The following FBXO21 variants were observed in gnomAD, a reference collection of about 807,000 sequenced individuals.
FBXO21 encodes the protein F-box only protein 21.
Under a neutral mutation model 76.6 loss-of-function variants are expected in FBXO21, and 32 were observed. The ratio of observed to expected loss-of-function variants is 0.42; its 90% CI spans 0.32 to 0.56. The LOEUF is 0.56. Ranked by LOEUF, FBXO21 falls within the 20% of genes least tolerant of loss-of-function variation. The pLI is 0.16. For missense variants in FBXO21, 586 were observed against 797.3 expected (o/e 0.73, Z 3.19); for synonymous variants, 328 against 311.5 (o/e 1.05, Z -0.56).
intron 9 of FBXO21, among the ~76,000 whole-genome samples, chr12:117,162,023 G>A (rs1191470393): frequency 6.6e-6 from 1 of 152,246 alleles, no homozygotes; most frequent in African/African-American, 2.4e-5. Context: ...CATGGGAACG[G>A]GTCCTGATGT....
intron 9 of FBXO21, among the ~76,000 whole-genome samples, chr12:117,164,974 G>A (rs372599005): frequency 7.2e-5 from 11 of 152,196 alleles, no homozygotes; most frequent in African/African-American, 2.7e-4. Flanking sequence ...CTGCCCAAAG[G>A]GGGCCATTAA....
Position 117,174,695 on chromosome 12 carries a change from AG to A in FBXO21, c.694del (p.Leu232PhefsTer4). The A allele has an allele frequency of 6.2e-7, 1 of 1,614,194 alleles. No homozygotes were observed. On this transcript the variant is annotated frameshift_variant, in exon 5 of 12. Transcript: ENST00000622495. LOFTEE classifies it high-confidence loss of function. ...DSIVELVCKT[L>X]RGINSRHPSL... Reference sequence around the variant, plus strand: ...GGGGTGGCGACTGTTTATGCCCCGAAGGGTTTTGCAAACAAGCTCCACGATG... The same window carrying A: ...GGGGTGGCGACTGTTTATGCCCCGAAGGTTTTGCAAACAAGCTCCACGATG...
In FBXO21 at chr12:117,190,432, C is replaced by G; in HGVS notation, c.25G>C (p.Ala9Pro). Residue 9 changes from alanine to proline, a missense_variant, in exon 1 of 12, where the codon GCG becomes CCG. Ala to Pro is a conservative substitution (Grantham distance 27). Coordinates refer to ENST00000622495, the MANE Select transcript of FBXO21 (RefSeq NM_015002.3). MAAAAVDS[A>P]MEVVPALAEE... ...GCCAGCGCCGGCACCACCTCCATCGCGCTGTCGACTGCTGCCGCCGCCATC... is the reference window on the plus strand; with the variant it reads ...GCCAGCGCCGGCACCACCTCCATCGGGCTGTCGACTGCTGCCGCCGCCATC... The G allele has an allele frequency of 1.4e-6, 2 of 1,429,506 alleles. No homozygotes were observed. Among genetic ancestry groups the G allele is most frequent in the Non-Finnish European group, 1.9e-6 (2 of 1,074,706 alleles). The allele number at this position is 1,429,506 out of a possible 1,614,324, so 88.6% of individuals were successfully genotyped here. A position where few individuals can be genotyped will look rare whatever the true frequency, so the allele number is the denominator to read the frequency against.
rs1955751369 is a variant in FBXO21 at position 117,144,910 on chromosome 12, A to G, written c.*1177T>C. The G allele has an allele frequency of 6.6e-6, 1 of 152,176 alleles. No individual in the cohort carries two copies. 9.4% of individuals were successfully genotyped at this position (152,176 alleles called of 1,614,324 possible). A position where few individuals can be genotyped will look rare whatever the true frequency, so the allele number is the denominator to read the frequency against. On this transcript the variant is annotated 3_prime_UTR_variant, in exon 12 of 12. Transcript: ENST00000622495. The stretch of plus-strand genomic sequence containing the variant: ...CCGTCAGGACCCTGGCGGCTTGGAA[A>G]AGCAGATTCCAACACGCACATCTCC...
rs1302148407 is a variant in FBXO21 at position 117,169,253 on chromosome 12, A to G, written c.1014-2176T>C. Among the ~76,000 whole-genome samples the G allele has an allele frequency of 3.9e-5, 6 of 152,334 alleles. No homozygotes were observed. The East Asian group carries it at 1.2e-3, about 29-fold the overall frequency. ...AACCAAAAACTGCGTGCTCTCACTT[A>G]TAAGTGGGAACTATGTGATGAGAAC... On this transcript the variant is annotated intron_variant, in intron 7 of 11. Coordinates refer to ENST00000622495, the MANE Select transcript of FBXO21 (RefSeq NM_015002.3).
At chr12:117,185,975 T>A (rs761944210) in intron 3 of FBXO21, among the ~76,000 whole-genome samples, 1 of 152,146 alleles carries the variant, frequency 6.6e-6, no homozygotes, top group African/African-American at 2.4e-5. Context: ...CGGGTTCAAA[T>A]GATTCTTCTG....
chr12:117,157,898 T>A lies in FBXO21; in HGVS notation c.1492A>T (p.Ile498Phe). ...CTCTTATGCTTCATAATGAGCCCGA[T>A]GGAGTAGCAGACATCTCTGTGCTTC... ...DEKHRDVCYS[I>F]GLIMKHKRYG... The change falls in exon 10 of 12, where the codon ATC becomes TTC. Residue 498 changes from isoleucine (I) to phenylalanine (F), a missense_variant. Ile to Phe is a conservative substitution (Grantham distance 21). Around this residue, in one of 6 missense-constraint regions of FBXO21, gnomAD observed 164 missense variants for 236.7 expected, o/e 0.69. Coordinates refer to ENST00000622495, the MANE Select transcript of FBXO21 (RefSeq NM_015002.3). The A allele has an allele frequency of 1.2e-6, 2 of 1,611,086 alleles. No individual in the cohort carries two copies. The highest frequency in any genetic ancestry group is 1.7e-6 in the Non-Finnish European group (2 of 1,177,704).
At chr12:117,158,110 C>A (rs1955937898) in intron 9 of FBXO21, 47 bp from the exon 10 acceptor site, 2 of 1,609,410 alleles carry the variant, frequency 1.2e-6, no homozygotes, top group Non-Finnish European at 1.7e-6. Context: ...TTCAGCTAGG[C>A]CTTTTCTTTT....
intron 8 of FBXO21, among the ~76,000 whole-genome samples, chr12:117,166,373 C>T (rs1331039166): frequency 1.3e-5 from 2 of 152,132 alleles, no homozygotes; most frequent in African/African-American, 4.8e-5. Flanking sequence ...TGCAGGTTCA[C>T]TGGCTGCAAC....
chr12:117,163,172 C>A (rs1009029355), intron 9 of FBXO21, among the ~76,000 whole-genome samples: 2 of 152,208 alleles, frequency 1.3e-5, no homozygotes, highest in African/African-American at 4.8e-5. Flanking sequence ...AGATTTCCCC[C>A]TAAAAGGGGA....
At chr12:117,157,252 T>C (rs965922806) in intron 10 of FBXO21, among the ~76,000 whole-genome samples, 58 of 151,784 alleles carry the variant, frequency 3.8e-4, no homozygotes, top group Non-Finnish European at 7.4e-5. Context: ...AAAAGGAAAT[T>C]TGGAACTTGG....
At chr12:117,149,474 C>T (rs570096196) in intron 11 of FBXO21, among the ~76,000 whole-genome samples, 78 of 152,286 alleles carry the variant, frequency 5.1e-4, no homozygotes, top group Non-Finnish European at 1.0e-3. Flanking sequence ...AGAATAACTG[C>T]TTTGTTGCCA....
At chr12:117,170,292 T>C (rs1021562057) in intron 7 of FBXO21, among the ~76,000 whole-genome samples, 11 of 152,126 alleles carry the variant, frequency 7.2e-5, no homozygotes, top group African/African-American at 2.2e-4. Context: ...TAGTGAGACA[T>C]TGGCGATGTC....
Position 117,190,445 on chromosome 12 carries a change from T to TGCCGCCGTCATCTTGTCCGCGTACCTGGG in FBXO21, c.11_12insCCCAGGTACGCGGACAAGATGACGGCGGC (p.Ala5ProfsTer7). 1 of 1,372,054 alleles carries TGCCGCCGTCATCTTGTCCGCGTACCTGGG rather than the reference T, an allele frequency of 7.3e-7. No homozygotes were observed. Among genetic ancestry groups the TGCCGCCGTCATCTTGTCCGCGTACCTGGG allele is most frequent in the African/African-American group, 1.5e-5 (1 of 66,566 alleles). The allele number at this position is 1,372,054 out of a possible 1,614,324, so 85.0% of individuals were successfully genotyped here. A position where few individuals can be genotyped will look rare whatever the true frequency, so the allele number is the denominator to read the frequency against. ...CCACCTCCATCGCGCTGTCGACTGCTGCCGCCGCCATCTTGTCCGCGTACC... is the reference window on the plus strand; with the variant it reads ...CCACCTCCATCGCGCTGTCGACTGCTGCCGCCGTCATCTTGTCCGCGTACCTGGGGCCGCCGCCATCTTGTCCGCGTACC... On this transcript the variant is annotated stop_gained and frameshift_variant, in exon 1 of 12. Transcript: ENST00000622495. LOFTEE classifies it high-confidence loss of function.
At chr12:117,172,680 T>A in intron 6 of FBXO21, 73 bp from the exon 7 acceptor site, 1 of 1,498,184 alleles carries the variant, frequency 6.7e-7, no homozygotes, top group Non-Finnish European at 9.1e-7. Context: ...AACATTCTCA[T>A]TAGGCACCTA....
In FBXO21 at chr12:117,145,834, C is replaced by A; in HGVS notation, c.*253G>T. On this transcript the variant is annotated 3_prime_UTR_variant, in exon 12 of 12. Transcript: ENST00000622495. ...AATGTCACAAACTGTCACCACAGGA[C>A]AAGCATACAAGCCATGCCACTGACA... is the stretch of plus-strand genomic sequence containing the variant. The A allele has an allele frequency of 3.0e-6, 1 of 331,092 alleles. No homozygotes were observed. The highest frequency in any genetic ancestry group is 5.5e-6 in the Non-Finnish European group (1 of 182,466). The allele number at this position is 331,092 out of a possible 1,614,324, so 20.5% of individuals were successfully genotyped here.
At chr12:117,167,603 T>G (rs1478069984) in intron 7 of FBXO21, among the ~76,000 whole-genome samples, 1 of 151,150 alleles carries the variant, frequency 6.6e-6, no homozygotes, top group African/African-American at 2.4e-5. Context: ...TGGCCAGGTG[T>G]GGTAGCACGC....
chr12:117,169,305 C>T (rs912428043), intron 7 of FBXO21, among the ~76,000 whole-genome samples: 1 of 152,116 alleles, frequency 6.6e-6, no homozygotes, highest in Non-Finnish European at 1.5e-5. Flanking sequence ...GAACAATACA[C>T]ACTGGGGCCT....
intron 10 of FBXO21, among the ~76,000 whole-genome samples, chr12:117,157,500 G>A (rs1264199660): frequency 1.3e-5 from 2 of 152,076 alleles, no homozygotes; most frequent in South Asian, 2.1e-4. Context: ...AGTGCCTATC[G>A]GATTTGAAGA....
Sources: gnomAD v4.1 joint callset for allele counts (sites outside exome capture counted in the v4.1 genomes callset) on GRCh38, gnomAD v4.1.1 for gene constraint, gnomAD v4.1.1 regional missense constraint, MANE v1.5 for transcripts, NCBI Gene and HGNC (gene_info 2026-07-23, HGNC 2026-07-21) for gene names.